Variants in DEFB112 observed in about 807,000 individuals in gnomAD.
DEFB112 encodes the protein defensin beta 112.
In DEFB112, 2 loss-of-function variants were observed where a neutral mutation model predicts 1.1. The observed-to-expected ratio is 1.85, with a 90% CI of 0.76 to 5.83. The LOEUF is 5.83. Ranked by LOEUF, DEFB112 falls within the 30% of genes most tolerant of loss-of-function variation. DEFB112 has a pLI of 0.05. For missense variants in DEFB112, 120 were observed against 94.4 expected, an observed-to-expected ratio of 1.27 and a Z score of -1.12; for synonymous variants, 40 against 31.2, an observed-to-expected ratio of 1.28 and a Z score of -0.93.
intron 1 of DEFB112, among the ~76,000 whole-genome samples, chr6:50,046,696 T>C (rs975073355): frequency 6.6e-6 from 1 of 152,192 alleles, no homozygotes; most frequent in Non-Finnish European, 1.5e-5. Context: ...TTAAAATATA[T>C]TCTAGATTTA....
chr6:50,044,048 G>T (rs911026083), intron 1 of DEFB112, among the ~76,000 whole-genome samples: 3 of 152,052 alleles, frequency 2.0e-5, no homozygotes, highest in Non-Finnish European at 4.4e-5. Flanking sequence ...TTTCTGAAGG[G>T]CTTGCAATGT....
chr6:50,048,431 G>A, intron 1 of DEFB112: 1 of 910,070 alleles, frequency 1.1e-6, no homozygotes, highest in South Asian at 1.4e-5. Flanking sequence ...GAACATATAA[G>A]TAAACAGGGA....
At position 50,042,569 on chromosome 6, in the gene DEFB112, T is replaced by C. The variant is rs552975082; in HGVS notation, c.*1006A>G. ...AGCCAAGGACAAAGCCTAGAGGACA[T>C]TCTTTAAGTAATACTTAGCACATAC... On this transcript the variant is annotated 3_prime_UTR_variant, in exon 2 of 2. Transcript: ENST00000651554. Among the ~76,000 whole-genome samples, 81 of 152,188 alleles carry C rather than the reference T, an allele frequency of 5.3e-4. No individual in the cohort carries two copies. The highest frequency in any genetic ancestry group is 4.4e-5 in the Non-Finnish European group (3 of 67,954).
chr6:50,043,707 A>G lies in DEFB112; in HGVS notation c.153T>C (p.Phe51=). Residue 51 remains phenylalanine, a synonymous_variant, in exon 2 of 2, where the codon TTT becomes TTC. Coordinates refer to ENST00000651554, the MANE Select transcript of DEFB112 (RefSeq NM_001369057.2). The part of the protein sequence containing the change: ...RCKNQCDDSE[F]RISYCARPTT... ...TAGGTCTTGCACAGTATGAAATCCT[A>G]AATTCACTATCATCACATTGATTTT... 6.2e-7 allele frequency: 1 copy of G among 1,613,530 alleles called. No homozygotes were observed. The highest frequency in any genetic ancestry group is 1.1e-5 in the South Asian group (1 of 91,054).
intron 1 of DEFB112, among the ~76,000 whole-genome samples, chr6:50,044,625 C>G (rs1774803909): frequency 1.3e-5 from 2 of 152,032 alleles, no homozygotes; most frequent in Non-Finnish European, 2.9e-5. Flanking sequence ...TTCTCTGTAT[C>G]TCCACAGATA....
In DEFB112 at chr6:50,043,541, T is replaced by G. The variant is rs1561998774; in HGVS notation, c.*34A>C. The G allele has an allele frequency of 6.5e-7, 1 of 1,548,560 alleles. No individual in the cohort carries two copies. Among genetic ancestry groups the G allele is most frequent in the African/African-American group, 1.4e-5 (1 of 73,666 alleles). Reference sequence around the variant, plus strand: ...GTGATGAAATAATGAGAGGACTTCATTCAGATGTATCATCTTCTTGTGCAT... The same window carrying G: ...GTGATGAAATAATGAGAGGACTTCAGTCAGATGTATCATCTTCTTGTGCAT... On this transcript the variant is annotated 3_prime_UTR_variant, in exon 2 of 2. Coordinates refer to ENST00000651554, the MANE Select transcript of DEFB112 (RefSeq NM_001369057.2).
chr6:50,049,763 G>A (rs562306150), intron 1 of DEFB112, among the ~76,000 whole-genome samples, 49 bp downstream of exon 1: 7 of 151,890 alleles, frequency 4.6e-5, no homozygotes, highest in East Asian at 1.9e-4. Flanking sequence ...CCAGCTCCCC[G>A]ACTTTAATGC....
At position 50,043,441 on chromosome 6, in the gene DEFB112, C is replaced by T. The variant is rs1582380568; in HGVS notation, c.*134G>A. ...CAAGCACAATGTTTATAAAAATGTCCAGCTGAAATATATTTTATTTAATTA... is the reference window on the plus strand; with the variant it reads ...CAAGCACAATGTTTATAAAAATGTCTAGCTGAAATATATTTTATTTAATTA... On this transcript the variant is annotated 3_prime_UTR_variant, in exon 2 of 2. Coordinates refer to ENST00000651554, the MANE Select transcript of DEFB112 (RefSeq NM_001369057.2). 2 of 609,756 alleles carry T rather than the reference C, an allele frequency of 3.3e-6. No individual in the cohort carries two copies. Among genetic ancestry groups the T allele is most frequent in the Admixed American group, 3.0e-5 (1 of 33,894 alleles). 37.8% of individuals were successfully genotyped at this position (609,756 alleles called of 1,614,324 possible). A position where few individuals can be genotyped will look rare whatever the true frequency, so the allele number is the denominator to read the frequency against.
chr6:50,043,924 A>T (rs2113956796), intron 1 of DEFB112, 123 bp from the exon 2 acceptor site: 6 of 838,958 alleles, frequency 7.2e-6, no homozygotes, highest in Non-Finnish European at 9.2e-6. Context: ...ATTTGCTTTA[A>T]TTTTTTTGTC....
In DEFB112 at chr6:50,048,765, G is replaced by C. The variant is rs533797170; in HGVS notation, c.58+1047C>G. On this transcript the variant is annotated intron_variant, in intron 1 of 1. Transcript: ENST00000651554. ...ACAAATGTAGTTGCCTCTATTTAAT[G>C]GTCCTATATATTATAAAAGGTTTTA... The C allele has an allele frequency of 4.6e-6, 3 of 655,092 alleles. No homozygotes were observed. In the African/African-American group the frequency reaches 5.5e-5, roughly 12 times the overall value. 40.6% of individuals were successfully genotyped at this position (655,092 alleles called of 1,614,324 possible). A position where few individuals can be genotyped will look rare whatever the true frequency, so the allele number is the denominator to read the frequency against.
intron 1 of DEFB112, 63 bp from the exon 2 acceptor site, chr6:50,043,864 A>G: frequency 1.5e-6 from 2 of 1,372,220 alleles, no homozygotes; most frequent in Non-Finnish European, 2.1e-6. Flanking sequence ...GATTTAAAAG[A>G]AGACATGGGA....
rs1411817688 is a variant in DEFB112, at chr6:50,043,757, A to G, written c.103T>C (p.Cys35Arg). The G allele has an allele frequency of 3.1e-6, 5 of 1,613,522 alleles. No individual in the cohort carries two copies. Among genetic ancestry groups the G allele is most frequent in the Middle Eastern group, 1.7e-4 (1 of 6,060 alleles). Reference protein sequence around the residue: ...HHITFSRWKSCTAIGGRCKNQ... With the variant: ...HHITFSRWKSRTAIGGRCKNQ... Reference sequence around the variant, plus strand: ...TTACATCGACCTCCAATCGCTGTACATGACTTCCACCTACTAAAGGTGATA... The same window carrying G: ...TTACATCGACCTCCAATCGCTGTACGTGACTTCCACCTACTAAAGGTGATA... The change falls in exon 2 of 2, where the codon TGT (cysteine) becomes CGT (arginine). Residue 35 changes from cysteine to arginine, a missense_variant. Physicochemically the swap from Cys to Arg is radical, Grantham distance 180. Coordinates refer to ENST00000651554, the MANE Select transcript of DEFB112 (RefSeq NM_001369057.2).
Position 50,043,623 on chromosome 6 carries a change from C to T in DEFB112, c.237G>A (p.Lys79=). 2.5e-6 allele frequency: 4 copies of T among 1,613,432 alleles called. No individual in the cohort carries two copies. Among genetic ancestry groups the T allele is most frequent in the Non-Finnish European group, 3.4e-6 (4 of 1,179,590 alleles). The change falls in exon 2 of 2, where the codon AAG becomes AAA. Residue 79 remains lysine (K), a synonymous_variant. Coordinates refer to ENST00000651554, the MANE Select transcript of DEFB112 (RefSeq NM_001369057.2). ...DPTDPNNWIP[K]DSVGTQEWYP... ...ACCATTCTTGAGTCCCTACTGAGTC[C>T]TTTGGGATCCAATTATTTGGGTCCG... is the stretch of plus-strand genomic sequence containing the variant.
intron 1 of DEFB112, among the ~76,000 whole-genome samples, chr6:50,047,094 G>T (rs1028757712): frequency 6.6e-6 from 1 of 152,192 alleles, no homozygotes; most frequent in African/African-American, 2.4e-5. Context: ...CCTAGCTCTA[G>T]AGAAACTCTG....
At chr6:50,044,750 A>G (rs1307912974) in intron 1 of DEFB112, among the ~76,000 whole-genome samples, 3 of 152,066 alleles carry the variant, frequency 2.0e-5, no homozygotes, top group African/African-American at 7.2e-5. Context: ...CATATCTACC[A>G]TTACTCGACT....
intron 1 of DEFB112, among the ~76,000 whole-genome samples, chr6:50,049,041 A>G (rs1337607024): frequency 6.6e-6 from 1 of 152,108 alleles, no homozygotes; most frequent in African/African-American, 2.4e-5. Context: ...AGCACACTTT[A>G]ATTAATTTTT....
intron 1 of DEFB112, among the ~76,000 whole-genome samples, chr6:50,046,066 G>GTAGGCTAA (rs1774826858): frequency 6.6e-6 from 1 of 152,040 alleles, no homozygotes. Flanking sequence ...TTGCCCAATT[G>GTAGGCTAA]TAGGCTAATG....
chr6:50,045,414 C>G (rs988926675), intron 1 of DEFB112, among the ~76,000 whole-genome samples: 2 of 152,038 alleles, frequency 1.3e-5, no homozygotes, highest in Admixed American at 1.3e-4. Context: ...TAATCACTGT[C>G]TTGAATTAAA....
intron 1 of DEFB112, among the ~76,000 whole-genome samples, chr6:50,045,587 A>G (rs1005833276): frequency 1.3e-5 from 2 of 152,296 alleles, no homozygotes; most frequent in Admixed American, 1.3e-4. Context: ...ATATGTGTAT[A>G]CAATCAGGTG....
Sources: gnomAD v4.1 joint callset for allele counts (sites outside exome capture counted in the v4.1 genomes callset) on GRCh38, gnomAD v4.1.1 for gene constraint, MANE v1.5 for transcripts, NCBI Gene and HGNC (gene_info 2026-07-23, HGNC 2026-07-21) for gene names.